The following MEI4 variants were observed in gnomAD, a reference collection of about 807,000 sequenced individuals.
MEI4 encodes meiosis-specific protein MEI4.
Under a neutral mutation model 31.4 loss-of-function variants are expected in MEI4, and 27 were observed. The observed-to-expected ratio is 0.86, with a 90% CI of 0.63 to 1.19. MEI4 has a LOEUF of 1.19. MEI4 is among the 50% of genes most tolerant of loss of function. The probability of loss-of-function intolerance (pLI) is 0.00; values close to 1 mark genes in which losing one functional copy is unlikely to be tolerated. For missense variants in MEI4, 329 were observed against 398.9 expected (o/e 0.82, Z 1.49); for synonymous variants, 122 against 145.4 (o/e 0.84, Z 1.16).
chr6:77,713,701 T>C (rs1766516670), intron 2 of MEI4, among the ~76,000 whole-genome samples: 1 of 152,230 alleles, frequency 6.6e-6, no homozygotes, highest in Non-Finnish European at 1.5e-5. Context: ...TGATTTTCAT[T>C]CTCGATTCCG....
intron 2 of MEI4, among the ~76,000 whole-genome samples, chr6:77,755,836 G>GTC (rs1366753672): frequency 3.0e-4 from 45 of 148,356 alleles, no homozygotes; most frequent in Admixed American, 2.0e-3. Flanking sequence ...GTGTGTGTGT[G>GTC]TGTGTGTGTG....
chr6:77,919,792 C>T (rs373501876), intron 4 of MEI4, among the ~76,000 whole-genome samples: 11,745 of 145,568 alleles, frequency 0.081, 702 homozygotes, highest in East Asian at 0.28. Context: ...ATCAAATAGA[C>T]GCAATAAAAA....
At position 77,827,228 on chromosome 6, in the gene MEI4, C is replaced by T. The variant is rs55875699; in HGVS notation, c.769-1703C>T. Among the ~76,000 whole-genome samples, 1,287 of 151,616 alleles carry T rather than the reference C, an allele frequency of 8.5e-3. 13 individuals carry two copies. Among genetic ancestry groups the T allele is most frequent in the African/African-American group, 0.029 (1,187 of 41,350 alleles). Reference sequence around the variant, plus strand: ...ACAAAAAATTAGCTGGGTGTGGTGGCGGGTGCCTGTAGTCCCAGCTACATT... The same window carrying T: ...ACAAAAAATTAGCTGGGTGTGGTGGTGGGTGCCTGTAGTCCCAGCTACATT... On this transcript the variant is annotated intron_variant, in intron 3 of 4. Coordinates refer to ENST00000684080, the MANE Select transcript of MEI4 (RefSeq NM_001322247.2).
chr6:77,874,859 A>G (rs1262801123), intron 4 of MEI4, among the ~76,000 whole-genome samples: 1 of 152,184 alleles, frequency 6.6e-6, no homozygotes, highest in African/African-American at 2.4e-5. Flanking sequence ...ATCTATTGAG[A>G]TAATCATGTG....
intron 4 of MEI4, among the ~76,000 whole-genome samples, chr6:77,851,892 T>G (rs1034193055): frequency 6.6e-6 from 1 of 152,134 alleles, no homozygotes; most frequent in Non-Finnish European, 1.5e-5. Flanking sequence ...AGACATATAT[T>G]CCTATTGGAA....
At chr6:77,797,458 AG>A (rs1221956593) in intron 3 of MEI4, among the ~76,000 whole-genome samples, 1 of 152,150 alleles carries the variant, frequency 6.6e-6, no homozygotes, top group East Asian at 1.9e-4. Flanking sequence ...CACGATCATA[AG>A]GCAAAGTCCC....
At chr6:77,736,427 C>G (rs941451342) in intron 2 of MEI4, among the ~76,000 whole-genome samples, 4 of 152,072 alleles carry the variant, frequency 2.6e-5, no homozygotes, top group African/African-American at 9.7e-5. Context: ...CTTTCTTTGA[C>G]TAGGAAAGGG....
chr6:77,800,395 G>A (rs28799716), intron 3 of MEI4, among the ~76,000 whole-genome samples: 34,468 of 151,950 alleles, frequency 0.23, 4,656 homozygotes, highest in African/African-American at 0.38. Flanking sequence ...GAGATTTTGG[G>A]CTGAGACAAT....
At chr6:77,801,596 A>G (rs1228665832) in intron 3 of MEI4, among the ~76,000 whole-genome samples, 2 of 151,982 alleles carry the variant, frequency 1.3e-5, no homozygotes, top group African/African-American at 4.8e-5. Flanking sequence ...TCAATTTTAG[A>G]TCTTTCCTGC....
At chr6:77,653,333 T>TC (rs974597741) in intron 1 of MEI4, among the ~76,000 whole-genome samples, 6 of 152,216 alleles carry the variant, frequency 3.9e-5, no homozygotes, top group African/African-American at 1.2e-4. Flanking sequence ...AGCCTTAGCC[T>TC]CTTAACATCC....
intron 4 of MEI4, among the ~76,000 whole-genome samples, chr6:77,905,145 C>G (rs7738598): frequency 2.6e-5 from 4 of 151,638 alleles, no homozygotes; most frequent in Admixed American, 2.6e-4. Flanking sequence ...TCTGAAAGAC[C>G]GCTTTGCCAG....
intron 4 of MEI4, among the ~76,000 whole-genome samples, chr6:77,860,936 T>G (rs567953150): frequency 1.3e-5 from 2 of 152,340 alleles, no homozygotes; most frequent in East Asian, 3.9e-4. Flanking sequence ...TTCTTTGTCC[T>G]TGAAATGCAG....
intron 2 of MEI4, among the ~76,000 whole-genome samples, chr6:77,709,735 CAG>C: frequency 6.6e-6 from 1 of 152,268 alleles, no homozygotes; most frequent in East Asian, 1.9e-4. Context: ...GTATTTTTGA[CAG>C]AATGGCCTTG....
intron 2 of MEI4, among the ~76,000 whole-genome samples, chr6:77,737,518 G>A (rs935179391): frequency 3.3e-5 from 5 of 152,210 alleles, no homozygotes; most frequent in African/African-American, 1.2e-4. Flanking sequence ...ATGCCATTAG[G>A]AAATGATCAG....
intron 4 of MEI4, among the ~76,000 whole-genome samples, chr6:77,850,640 A>G (rs942231500): frequency 2.0e-5 from 3 of 152,200 alleles, no homozygotes; most frequent in Non-Finnish European, 4.4e-5. Flanking sequence ...TTAATTCAAG[A>G]TGGATTAAAT....
At chr6:77,657,219 A>C (rs953183464) in intron 1 of MEI4, among the ~76,000 whole-genome samples, 1 of 152,206 alleles carries the variant, frequency 6.6e-6, no homozygotes, top group South Asian at 2.1e-4. Flanking sequence ...CCTCATTTTC[A>C]TTACTCATTG....
intron 4 of MEI4, among the ~76,000 whole-genome samples, chr6:77,863,334 G>GA (rs1341675043): frequency 2.0e-5 from 3 of 151,602 alleles, no homozygotes; most frequent in African/African-American, 2.4e-5. Context: ...TAAAAACCTT[G>GA]AAAAAAAATT....
chr6:77,912,815 T>C (rs567927333), intron 4 of MEI4, among the ~76,000 whole-genome samples: 9 of 152,212 alleles, frequency 5.9e-5, no homozygotes, highest in Non-Finnish European at 1.2e-4. Context: ...GCCTAATTGC[T>C]CTGGTTAGGA....
chr6:77,773,205 A>G (rs1445339791), intron 3 of MEI4, among the ~76,000 whole-genome samples: 1 of 152,046 alleles, frequency 6.6e-6, no homozygotes, highest in Non-Finnish European at 1.5e-5. Context: ...TAAAACTTAT[A>G]TAGAACCACA....
Sources: gnomAD v4.1 joint callset for allele counts (sites outside exome capture counted in the v4.1 genomes callset) on GRCh38, gnomAD v4.1.1 for gene constraint, MANE v1.5 for transcripts, NCBI Gene and HGNC (gene_info 2026-07-23, HGNC 2026-07-21) for gene names.